The following DGKA variants were observed in gnomAD, a reference collection of about 807,000 sequenced individuals.
DGKA encodes the protein diacylglycerol kinase alpha.
DGKA carries 35 observed loss-of-function variants against 105.0 expected under a neutral mutation model. That is an observed-to-expected ratio of 0.33 (90% CI 0.25 to 0.44). DGKA has a LOEUF of 0.44. Among genes scored for constraint, DGKA ranks in the 20% least tolerant of loss-of-function variants. The pLI is 1.00. For synonymous variants in DGKA, 296 were observed against 332.0 expected (o/e 0.89, Z 1.18); for missense variants, 665 against 915.0 (o/e 0.73, Z 3.53).
At chr12:55,941,426 G>A (rs1885963833) in intron 14 of DGKA, 84 bp from the exon 15 acceptor site, 8 of 1,584,020 alleles carry the variant, frequency 5.1e-6, no homozygotes, top group African/African-American at 4.0e-5. Flanking sequence ...GGCATACCTT[G>A]AGGAACACAC....
chr12:55,928,070 T>C (rs1320078553), upstream of DGKA, among the ~76,000 whole-genome samples: 1 of 152,182 alleles, frequency 6.6e-6, no homozygotes, highest in Non-Finnish European at 1.5e-5. Context: ...CGTACCTCCC[T>C]ATTCTGCAGA....
chr12:55,953,392 G>C lies in DGKA; in HGVS notation c.2106G>C (p.Trp702Cys). 1.2e-6 allele frequency: 2 copies of C among 1,614,100 alleles called. No individual in the cohort carries two copies. Among genetic ancestry groups the C allele is most frequent in the Non-Finnish European group, 1.7e-6 (2 of 1,180,000 alleles). ...TLPMQIDGEP[W>C]MQTPCTIKIT... ...CCATGCAAATTGACGGAGAACCCTG[G>C]ATGCAGACGCCCTGTACAGTGAGTA... is the stretch of plus-strand genomic sequence containing the variant. The change falls in exon 23 of 24, where the codon TGG becomes TGC. Residue 702 changes from tryptophan to cysteine, a missense_variant. This residue lies in a region of DGKA where 158 missense variants were observed against 213.4 expected (regional missense o/e 0.74). Transcript: ENST00000331886.
chr12:55,939,568 G>A, intron 9 of DGKA, 39 bp downstream of exon 9: 1 of 1,597,384 alleles, frequency 6.3e-7, no homozygotes, highest in Non-Finnish European at 8.6e-7. Context: ...AAGAGGGTCA[G>A]CCCAGCTATC....
Position 55,942,075 on chromosome 12 carries a change from AG to A in DGKA, c.1329del (p.Thr444ProfsTer28). ...GACGGCACAGTAGGCTGGATTCTAGAGACCATTGGTCAGTGCAGGGAGGGGC... is the reference window on the plus strand; with the variant it reads ...GACGGCACAGTAGGCTGGATTCTAGAACCATTGGTCAGTGCAGGGAGGGGC... ...GGDGTVGWIL[E>X]TIDKANLPVL... is the part of the protein sequence containing the mutation. On this transcript the variant is annotated frameshift_variant, in exon 16 of 24. Coordinates refer to ENST00000331886, the MANE Select transcript of DGKA (RefSeq NM_001345.5). LOFTEE classifies it high-confidence loss of function. 6.2e-7 allele frequency: 1 copy of A among 1,614,168 alleles called. No homozygotes were observed. Among genetic ancestry groups the A allele is most frequent in the Non-Finnish European group, 8.5e-7 (1 of 1,180,034 alleles).
chr12:55,949,260 C>T (rs1382972327), intron 17 of DGKA, among the ~76,000 whole-genome samples: 1 of 151,796 alleles, frequency 6.6e-6, no homozygotes, highest in East Asian at 1.9e-4. Context: ...TACAATGGCA[C>T]GATCTCAGCT....
At chr12:55,941,051 G>A in intron 13 of DGKA, 71 bp downstream of exon 13, 2 of 1,519,664 alleles carry the variant, frequency 1.3e-6, no homozygotes, top group Non-Finnish European at 1.8e-6. Flanking sequence ...GGGTGGGAAT[G>A]AAGTGGGAGA....
intron 13 of DGKA, 125 bp downstream of exon 13, chr12:55,941,105 C>T (rs748046853): frequency 1.5e-6 from 2 of 1,335,112 alleles, no homozygotes; most frequent in Non-Finnish European, 2.1e-6. Flanking sequence ...GAAACTCCAC[C>T]ATGGTAGGGG....
rs1353504428 is a variant in DGKA at position 55,932,846 on chromosome 12, A to G, written c.-82+1502A>G. ...TCCCTCTTGAGGGCTACCTACTAGC[A>G]GCAACGGTCAGGGAGAGGAGGAGGA... On this transcript the variant is annotated intron_variant, in intron 1 of 23. Transcript: ENST00000331886. The surrounding 1 kb of genome is among the most constrained non-coding windows in gnomAD (Gnocchi z 4.3). The G allele has an allele frequency of 2.0e-6, 1 of 494,224 alleles. No homozygotes were observed. The highest frequency in any genetic ancestry group is 3.4e-5 in the Admixed American group (1 of 29,306). 30.6% of individuals were successfully genotyped at this position (494,224 alleles called of 1,614,324 possible).
In DGKA at chr12:55,953,586, G is replaced by T; in HGVS notation, c.2125-99G>T. On this transcript the variant is annotated intron_variant, in intron 23 of 23. Transcript: ENST00000331886. ...CTATCGTGGCCTCTCTAGGAACCTA[G>T]CAACCCACCCCAAACCCCACAGATT... is the stretch of plus-strand genomic sequence containing the variant. 3 of 1,412,358 alleles carry T rather than the reference G, an allele frequency of 2.1e-6. No homozygotes were observed. The South Asian group carries it at 3.6e-5, about 17-fold the overall frequency. The allele number at this position is 1,412,358 out of a possible 1,614,324, so 87.5% of individuals were successfully genotyped here. A position where few individuals can be genotyped will look rare whatever the true frequency, so the allele number is the denominator to read the frequency against.
At chr12:55,943,466 A>C (rs1332840690) in intron 17 of DGKA, 1 of 151,904 alleles carries the variant, frequency 6.6e-6, no homozygotes, top group East Asian at 1.9e-4. Context: ...AGTAGAGACG[A>C]GGTTTCACCA....
Position 55,939,230 on chromosome 12 carries a change from C to T in DGKA, c.519C>T (p.Gly173=), listed in dbSNP as rs764806539. 1 of 1,614,204 alleles carries T rather than the reference C, an allele frequency of 6.2e-7. No individual in the cohort carries two copies. Among genetic ancestry groups the T allele is most frequent in the Admixed American group, 1.7e-5 (1 of 60,016 alleles). The change falls in exon 8 of 24, where the codon GGC becomes GGT. Residue 173 remains glycine (G), a synonymous_variant. Transcript: ENST00000331886. ...AAGAGATTGACTATGATGGCAGTGGCTCTGTCTCTCAAGCTGAGTGGGTCC... is the reference window on the plus strand; with the variant it reads ...AAGAGATTGACTATGATGGCAGTGGTTCTGTCTCTCAAGCTGAGTGGGTCC... ...MMKEIDYDGS[G]SVSQAEWVRA...
chr12:55,942,452 AC>A, intron 17 of DGKA, 189 bp downstream of exon 17: 1 of 588,862 alleles, frequency 1.7e-6, no homozygotes, highest in African/African-American at 1.9e-5. Context: ...CACAATCTGA[AC>A]CTAGAAGGGT....
chr12:55,939,790 A>T (rs1329687455), intron 9 of DGKA: 1 of 586,824 alleles, frequency 1.7e-6, no homozygotes, highest in Non-Finnish European at 3.0e-6. Context: ...GCAATAAAAA[A>T]TATCTATTAT....
At chr12:55,927,396 C>T, upstream of DGKA, 1 of 714,680 alleles carries the variant, frequency 1.4e-6, no homozygotes, top group Non-Finnish European at 2.5e-6. Context: ...CTCTCATCCC[C>T]AGGAACTCCT....
rs1447544910 is a variant in DGKA at position 55,936,463 on chromosome 12, A to T, written c.-41A>T. 2 of 1,608,442 alleles carry T rather than the reference A, an allele frequency of 1.2e-6. No homozygotes were observed. Among genetic ancestry groups the T allele is most frequent in the Non-Finnish European group, 1.7e-6 (2 of 1,176,374 alleles). The stretch of plus-strand genomic sequence containing the variant: ...AGGTCCAAGCAACGGAAGTACTACT[A>T]CGAAGCTGCCTTTCTGGCCATCCTT... On this transcript the variant is annotated 5_prime_UTR_variant, in exon 2 of 24. Transcript: ENST00000331886.
At chr12:55,928,074 C>A (rs1883233039), upstream of DGKA, among the ~76,000 whole-genome samples, 3 of 152,180 alleles carry the variant, frequency 2.0e-5, no homozygotes, top group South Asian at 6.2e-4. Context: ...CCTCCCTATT[C>A]TGCAGACGAA....
chr12:55,943,589 A>G (rs2136349817), intron 17 of DGKA, among the ~76,000 whole-genome samples: 1 of 151,986 alleles, frequency 6.6e-6, no homozygotes, highest in African/African-American at 2.4e-5. Context: ...TTTACCATTC[A>G]AGCCACTCAG....
rs774782553 is a variant in DGKA at position 55,939,839 on chromosome 12, A to G, written c.710-243A>G. On this transcript the variant is annotated intron_variant, in intron 9 of 23. Coordinates refer to ENST00000331886, the MANE Select transcript of DGKA (RefSeq NM_001345.5). ...GTTAGACCTGGGCCTCCCAAGCATTATCCAGCTCAGTTCCTGCCTGGCACA... is the reference window on the plus strand; with the variant it reads ...GTTAGACCTGGGCCTCCCAAGCATTGTCCAGCTCAGTTCCTGCCTGGCACA... 5.7e-5 allele frequency: 34 copies of G among 591,876 alleles called. No homozygotes were observed. The East Asian group carries it at 9.0e-4, about 16-fold the overall frequency. The allele number at this position is 591,876 out of a possible 1,614,324, so 36.7% of individuals were successfully genotyped here.
intron 1 of DGKA, chr12:55,935,976 GGCCGGAACT>G (rs989634102): frequency 1.4e-5 from 14 of 989,514 alleles, no homozygotes; most frequent in East Asian, 2.2e-4. Context: ...TCACTCAGAG[GGCCGGAACT>G]GCCGGAACTG....
Sources: gnomAD v4.1 joint callset for allele counts (sites outside exome capture counted in the v4.1 genomes callset) on GRCh38, gnomAD v4.1.1 for gene constraint, gnomAD v4.1.1 regional missense constraint, Gnocchi (gnomAD v3.1) non-coding constraint, MANE v1.5 for transcripts, NCBI Gene and HGNC (gene_info 2026-07-23, HGNC 2026-07-21) for gene names.